NOX4: variants seen among roughly 807,000 people sequenced by gnomAD.
NOX4 encodes the protein NADPH oxidase 4.
NOX4 carries 69 observed loss-of-function variants against 87.6 expected under a neutral mutation model. That is an observed-to-expected ratio of 0.79 (90% CI 0.65 to 0.96). NOX4 has a LOEUF of 0.96. NOX4 is among the 40% of genes least tolerant of loss of function. The pLI is 0.00. For synonymous variants in NOX4, 275 were observed against 238.2 expected (o/e 1.15, Z -1.42); for missense variants, 680 against 681.5 (o/e 1.00, Z 0.02).
At chr11:89,381,529 T>C (rs994221301) in intron 11 of NOX4, among the ~76,000 whole-genome samples, 2 of 151,870 alleles carry the variant, frequency 1.3e-5, no homozygotes, top group African/African-American at 4.8e-5. Flanking sequence ...CCTACACAAA[T>C]CCTATAAAAT....
At chr11:89,433,741 T>C (rs1485677429) in intron 6 of NOX4, among the ~76,000 whole-genome samples, 2 of 152,176 alleles carry the variant, frequency 1.3e-5, no homozygotes, top group Admixed American at 6.6e-5. Context: ...GTGCTTCAGA[T>C]ATGGCATAAC....
At chr11:89,533,284 T>G in the NOX4 span, among the ~76,000 whole-genome samples, 1 of 152,218 alleles carries the variant, frequency 6.6e-6, no homozygotes, top group African/African-American at 2.4e-5. Flanking sequence ...GTTTTATATA[T>G]TCTTCCTTTA....
At chr11:89,455,719 C>CATATATATATATATAT (rs60864771) in intron 2 of NOX4, among the ~76,000 whole-genome samples, 1 of 141,042 alleles carries the variant, frequency 7.1e-6, no homozygotes, top group African/African-American at 2.7e-5. Flanking sequence ...AAGATGAAGT[C>CATATATATATATATAT]ATATATATAT....
intron 14 of NOX4, among the ~76,000 whole-genome samples, chr11:89,341,055 T>G (rs1945976969): frequency 6.6e-6 from 1 of 152,014 alleles, no homozygotes; most frequent in African/African-American, 2.4e-5. Context: ...ATCAATCAAT[T>G]AACTTTTGCT....
the NOX4 span, among the ~76,000 whole-genome samples, chr11:89,547,612 AC>A: frequency 1.3e-5 from 2 of 152,204 alleles, no homozygotes; most frequent in Admixed American, 1.3e-4. Context: ...AGTGATTAAT[AC>A]AACATTAAAG....
intron 5 of NOX4, among the ~76,000 whole-genome samples, chr11:89,441,986 A>G (rs1214452722): frequency 1.4e-5 from 2 of 148,028 alleles, no homozygotes; most frequent in South Asian, 2.1e-4. Flanking sequence ...ATATATAAAT[A>G]TATCAATATA....
chr11:89,386,003 C>A (rs1270788113), intron 11 of NOX4, among the ~76,000 whole-genome samples: 1 of 152,068 alleles, frequency 6.6e-6, no homozygotes, highest in Admixed American at 6.6e-5. Context: ...AACCTTCATA[C>A]CCCTTACTGT....
chr11:89,379,710 G>T (rs1462741972), intron 11 of NOX4, among the ~76,000 whole-genome samples: 1 of 152,042 alleles, frequency 6.6e-6, no homozygotes, highest in Non-Finnish European at 1.5e-5. Context: ...AAAAACTCTG[G>T]GGTCAGCCTT....
chr11:89,471,782 C>T (rs1459690563), intron 2 of NOX4, among the ~76,000 whole-genome samples: 1 of 152,142 alleles, frequency 6.6e-6, no homozygotes, highest in African/African-American at 2.4e-5. Context: ...CTCTCTGTCA[C>T]CCAGACTGGA....
At chr11:89,387,301 T>C (rs1335606689) in intron 11 of NOX4, among the ~76,000 whole-genome samples, 1 of 152,024 alleles carries the variant, frequency 6.6e-6, no homozygotes, top group Non-Finnish European at 1.5e-5. Context: ...ACTGATGATA[T>C]TACCTTGTGA....
the NOX4 span, among the ~76,000 whole-genome samples, chr11:89,505,621 G>C: frequency 5.1e-4 from 78 of 151,896 alleles, no homozygotes; most frequent in Middle Eastern, 3.4e-3. Context: ...GAGGAAATGT[G>C]CGGCAAAGAG....
the NOX4 span, among the ~76,000 whole-genome samples, chr11:89,539,014 A>C: frequency 1.3e-5 from 2 of 152,108 alleles, no homozygotes; most frequent in African/African-American, 4.8e-5. Context: ...CCCAACTCCC[A>C]ACCCCAACAC....
chr11:89,531,480 C>T, the NOX4 span, among the ~76,000 whole-genome samples: 1 of 152,244 alleles, frequency 6.6e-6, no homozygotes, highest in South Asian at 2.1e-4. Flanking sequence ...CTTAGTTTCA[C>T]TAAGTGACAT....
chr11:89,429,535 C>T (rs1367829419), intron 7 of NOX4, among the ~76,000 whole-genome samples: 1 of 152,120 alleles, frequency 6.6e-6, no homozygotes, highest in Non-Finnish European at 1.5e-5. Context: ...GATATCAACA[C>T]CGATCGCACA....
At chr11:89,465,531 T>G (rs1187652363) in intron 2 of NOX4, among the ~76,000 whole-genome samples, 2 of 152,174 alleles carry the variant, frequency 1.3e-5, no homozygotes, top group African/African-American at 2.4e-5. Flanking sequence ...GGTATTTCTA[T>G]TCTAGATCCT....
the NOX4 span, among the ~76,000 whole-genome samples, chr11:89,551,611 A>G: frequency 6.6e-6 from 1 of 152,124 alleles, no homozygotes; most frequent in Non-Finnish European, 1.5e-5. Context: ...TCATTGGTGT[A>G]TAAGAATGCT....
chr11:89,431,740 T>C (rs1943794393), intron 7 of NOX4, among the ~76,000 whole-genome samples: 1 of 152,188 alleles, frequency 6.6e-6, no homozygotes, highest in Non-Finnish European at 1.5e-5. Flanking sequence ...GGAACACTTT[T>C]ACACTGTTGG....
At chr11:89,417,899 C>A (rs557625695) in intron 8 of NOX4, among the ~76,000 whole-genome samples, 203 of 152,092 alleles carry the variant, frequency 1.3e-3, no homozygotes, top group African/African-American at 4.7e-3. Context: ...CAAGTTCATA[C>A]GGGTATTAAG....
At chr11:89,452,093 C>T (rs1318846738) in intron 2 of NOX4, among the ~76,000 whole-genome samples, 198 bp from the exon 3 acceptor site, 1 of 152,170 alleles carries the variant, frequency 6.6e-6, no homozygotes, top group Non-Finnish European at 1.5e-5. Context: ...TCTGCACTGC[C>T]ACAAAACTTA....
Sources: allele counts gnomAD v4.1 joint callset (sites outside exome capture counted in the v4.1 genomes callset), GRCh38; gene constraint gnomAD v4.1.1; transcripts MANE v1.5; gene names NCBI Gene and HGNC (gene_info 2026-07-23, HGNC 2026-07-21).